DYNC1I1: variants seen among roughly 807,000 people sequenced by gnomAD.
The protein encoded by DYNC1I1 is cytoplasmic dynein 1 intermediate chain 1.
A neutral mutation model predicts 86.6 loss-of-function variants in DYNC1I1; 43 were observed. The ratio of observed to expected loss-of-function variants is 0.50; its 90% CI spans 0.39 to 0.64. The LOEUF (loss-of-function observed/expected upper bound fraction) is 0.64, where lower values mean the gene tolerates loss of function less well. Ranked by LOEUF, DYNC1I1 falls within the 30% of genes least tolerant of loss-of-function variation. The pLI, the probability that DYNC1I1 is intolerant of heterozygous loss-of-function variation, is 0.00. For missense variants in DYNC1I1, 604 were observed against 788.8 expected, an observed-to-expected ratio of 0.77 and a Z score of 2.81; for synonymous variants, 262 against 283.7, an observed-to-expected ratio of 0.92 and a Z score of 0.77.
chr7:95,917,862 C>T (rs1489909059), intron 6 of DYNC1I1, among the ~76,000 whole-genome samples: 1 of 152,178 alleles, frequency 6.6e-6, no homozygotes, highest in Non-Finnish European at 1.5e-5. Flanking sequence ...AAAATGTCTT[C>T]CATTAGCTAA....
At chr7:95,945,212 AG>A (rs1219758594) in intron 6 of DYNC1I1, among the ~76,000 whole-genome samples, 1 of 151,974 alleles carries the variant, frequency 6.6e-6, no homozygotes, top group African/African-American at 2.4e-5. Context: ...TTGGAGGTAG[AG>A]GGGGGAAAAA....
At chr7:96,106,725 A>C (rs1430162087) in intron 16 of DYNC1I1, among the ~76,000 whole-genome samples, 1 of 152,316 alleles carries the variant, frequency 6.6e-6, no homozygotes, top group East Asian at 1.9e-4. Flanking sequence ...AAAGTTTTCC[A>C]GAAAACTTTG....
intron 6 of DYNC1I1, among the ~76,000 whole-genome samples, chr7:95,941,543 G>A (rs1232919145): frequency 6.6e-6 from 1 of 152,210 alleles, no homozygotes; most frequent in Non-Finnish European, 1.5e-5. Context: ...CCACCTTGCA[G>A]TTTGATCTCA....
chr7:95,926,437 G>A (rs1791747342), intron 6 of DYNC1I1, among the ~76,000 whole-genome samples: 1 of 152,100 alleles, frequency 6.6e-6, no homozygotes, highest in African/African-American at 2.4e-5. Context: ...ATTTGATACT[G>A]ATAAAATGAT....
chr7:96,097,735 C>T lies in DYNC1I1; in HGVS notation c.*142C>T, dbSNP rs1412154724. 16 of 1,415,922 alleles carry T rather than the reference C, an allele frequency of 1.1e-5. No individual in the cohort carries two copies. Among genetic ancestry groups the T allele is most frequent in the South Asian group, 1.6e-5 (1 of 60,884 alleles). 87.7% of individuals were successfully genotyped at this position (1,415,922 alleles called of 1,614,324 possible). A position where few individuals can be genotyped will look rare whatever the true frequency, so the allele number is the denominator to read the frequency against. ...GTGCCATATTGTGCCAGCTTTGCTC[C>T]AAGTATTCTAAATGTGTCCCATCAT... On this transcript the variant is annotated 3_prime_UTR_variant, in exon 17 of 17. Transcript: ENST00000447467.
intron 10 of DYNC1I1, among the ~76,000 whole-genome samples, chr7:95,998,964 G>T (rs560376167): frequency 9.8e-5 from 15 of 152,298 alleles, no homozygotes; most frequent in African/African-American, 2.6e-4. Context: ...AGGCCAAAAA[G>T]TATCTTCTAC....
chr7:95,784,690 G>A (rs779464106), intron 1 of DYNC1I1, among the ~76,000 whole-genome samples: 4 of 152,168 alleles, frequency 2.6e-5, no homozygotes, highest in Non-Finnish European at 5.9e-5. Flanking sequence ...CCTTTGATTG[G>A]TTCAAGCTGT....
In DYNC1I1 at chr7:96,082,098, A is replaced by G. The variant is rs116636632; in HGVS notation, c.1776+1610A>G. 8.1e-3 allele frequency among the ~76,000 whole-genome samples: 1,229 copies of G among 152,268 alleles called. 17 individuals are homozygous for G. The highest frequency in any genetic ancestry group is 0.028 in the African/African-American group (1,167 of 41,538). Reference sequence around the variant, plus strand: ...TAGTCTGGAGTCTTTGGGAAAGAGAATACCCTCTGAGTCGGAAATACCGCC... The same window carrying G: ...TAGTCTGGAGTCTTTGGGAAAGAGAGTACCCTCTGAGTCGGAAATACCGCC... On this transcript the variant is annotated intron_variant, in intron 16 of 16. Coordinates refer to ENST00000447467, the MANE Select transcript of DYNC1I1 (RefSeq NM_001135556.2).
intron 14 of DYNC1I1, among the ~76,000 whole-genome samples, chr7:96,049,431 G>A (rs1050570744): frequency 3.9e-5 from 6 of 152,240 alleles, no homozygotes; most frequent in Middle Eastern, 3.4e-3. Context: ...TCATGGAAGT[G>A]TAGCGGAGAC....
chr7:95,946,916 C>T (rs1254122013), intron 6 of DYNC1I1, among the ~76,000 whole-genome samples: 1 of 152,088 alleles, frequency 6.6e-6, no homozygotes, highest in Non-Finnish European at 1.5e-5. Flanking sequence ...GAGGAGAGTG[C>T]TCTCTGGCAT....
chr7:96,029,221 AC>A (rs1794752489), intron 11 of DYNC1I1, among the ~76,000 whole-genome samples: 1 of 152,184 alleles, frequency 6.6e-6, no homozygotes, highest in East Asian at 1.9e-4. Flanking sequence ...AATGACAAAT[AC>A]CAAGTCAGCC....
chr7:96,039,211 T>G, intron 13 of DYNC1I1, 66 bp from the exon 14 acceptor site: 1 of 1,531,574 alleles, frequency 6.5e-7, no homozygotes, highest in Non-Finnish European at 8.8e-7. Context: ...TGTTTTGTTT[T>G]GTTTTTAAGC....
intron 1 of DYNC1I1, among the ~76,000 whole-genome samples, chr7:95,785,743 ATATG>A (rs1260230603): frequency 6.9e-6 from 1 of 144,382 alleles, no homozygotes; most frequent in Non-Finnish European, 1.5e-5. Flanking sequence ...ATGTATATAT[ATATG>A]TGTGTATGTA....
At chr7:95,832,341 G>A (rs1788932717) in intron 5 of DYNC1I1, among the ~76,000 whole-genome samples, 2 of 151,076 alleles carry the variant, frequency 1.3e-5, no homozygotes, top group African/African-American at 2.4e-5. Context: ...GTGTATATGT[G>A]CCACATTTTC....
At chr7:96,031,601 C>G (rs1794809398) in intron 11 of DYNC1I1, among the ~76,000 whole-genome samples, 1 of 152,178 alleles carries the variant, frequency 6.6e-6, no homozygotes, top group Non-Finnish European at 1.5e-5. Flanking sequence ...ATTATTACCA[C>G]TCCTTCTGAC....
intron 6 of DYNC1I1, among the ~76,000 whole-genome samples, chr7:95,971,415 A>G (rs928973758): frequency 3.9e-5 from 6 of 152,216 alleles, no homozygotes; most frequent in African/African-American, 1.4e-4. Context: ...AAGAATCACC[A>G]TCTGAATATC....
chr7:95,930,639 A>G (rs574066556), intron 6 of DYNC1I1, among the ~76,000 whole-genome samples: 2 of 152,310 alleles, frequency 1.3e-5, no homozygotes, highest in Admixed American at 1.3e-4. Context: ...AGAAATTACA[A>G]GATTGTTATT....
At chr7:96,028,394 T>TAAA in intron 11 of DYNC1I1, 73 bp downstream of exon 11, 1 of 1,533,966 alleles carries the variant, frequency 6.5e-7, no homozygotes, top group African/African-American at 1.4e-5. Flanking sequence ...CTCAAAAAAG[T>TAAA]ATGGATGTTT....
intron 14 of DYNC1I1, among the ~76,000 whole-genome samples, chr7:96,051,286 C>G (rs1050226059): frequency 2.0e-5 from 3 of 152,036 alleles, no homozygotes; most frequent in African/African-American, 7.2e-5. Flanking sequence ...CAGGTCAGTC[C>G]CTTTCTTTAG....
Sources: gnomAD v4.1 joint callset for allele counts (sites outside exome capture counted in the v4.1 genomes callset) on GRCh38, gnomAD v4.1.1 for gene constraint, MANE v1.5 for transcripts, NCBI Gene and HGNC (gene_info 2026-07-23, HGNC 2026-07-21) for gene names.